Variants in NLRC5 observed in about 807,000 individuals in gnomAD.
NLRC5 encodes protein NLRC5.
In NLRC5, 114 loss-of-function variants were observed where a neutral mutation model predicts 206.9. The ratio of observed to expected loss-of-function variants is 0.55; its 90% CI spans 0.47 to 0.64. NLRC5 has a LOEUF of 0.64. Ranked by LOEUF, NLRC5 falls within the 30% of genes least tolerant of loss-of-function variation. NLRC5 has a pLI of 0.00. For synonymous variants in NLRC5, 952 were observed against 962.8 expected (o/e 0.99, Z 0.21); for missense variants, 2,008 against 2,305.5 (o/e 0.87, Z 2.64).
chr16:57,071,692 T>G, intron 38 of NLRC5, among the ~76,000 whole-genome samples: 2 of 100,302 alleles, frequency 2.0e-5, no homozygotes, highest in Non-Finnish European at 4.0e-5. Context: ...TGGGGAAGGG[T>G]TGTGAGTGAG....
Position 57,023,840 on chromosome 16 carries a change from G to C in NLRC5, c.411G>C (p.Lys137Asn). 1 of 1,611,370 alleles carries C rather than the reference G, an allele frequency of 6.2e-7. No homozygotes were observed. The change falls in exon 5 of 49, where the codon AAG (lysine) becomes AAC (asparagine). Residue 137 changes from lysine (K) to asparagine (N), a missense_variant. Coordinates refer to ENST00000688547, the MANE Select transcript of NLRC5 (RefSeq NM_001384950.1). ...CCTCACCCCGCCGGAAGCAGTGCAA[G>C]AAGCAGCAGCTAGGTGGGTACCAGT... is the stretch of plus-strand genomic sequence containing the variant. ...CGSSPRRKQC[K>N]KQQLELAKKY...
chr16:57,073,363 C>T (rs1597448194), intron 38 of NLRC5, among the ~76,000 whole-genome samples: 1 of 152,168 alleles, frequency 6.6e-6, no homozygotes, highest in African/African-American at 2.4e-5. Context: ...CAGGCAGTTA[C>T]CCTCAAATCC....
chr16:57,041,492 C>G lies in NLRC5; in HGVS notation c.2947C>G (p.His983Asp), dbSNP rs199475989. The G allele has an allele frequency of 6.2e-7, 1 of 1,613,992 alleles. No homozygotes were observed. Among genetic ancestry groups the G allele is most frequent in the Non-Finnish European group, 8.5e-7 (1 of 1,179,936 alleles). Residue 983 changes from histidine to aspartate, a missense_variant, in exon 18 of 49, where the codon CAT (histidine) becomes GAT (aspartate). Physicochemically the swap from His to Asp is moderately conservative, Grantham distance 81. Transcript: ENST00000688547. ...GTTTTTGTCCCTGGGCAGGCTGACA[C>G]ATTGTGGCCTCCAAGAAAAGCACCT... ...PLSSRRMRLT[H>D]CGLQEKHLEQ...
At chr16:57,042,431 G>A (rs1477393006) in intron 19 of NLRC5, among the ~76,000 whole-genome samples, 1 of 152,100 alleles carries the variant, frequency 6.6e-6, no homozygotes, top group African/African-American at 2.4e-5. Context: ...GCTGGGGTAT[G>A]GTCAGGGTAG....
At chr16:57,019,794 C>T (rs2060463004) in intron 2 of NLRC5, among the ~76,000 whole-genome samples, 1 of 152,234 alleles carries the variant, frequency 6.6e-6, no homozygotes. Flanking sequence ...TCTAGATGAC[C>T]AGAGAATATT....
rs755035177 is a variant in NLRC5 at position 57,041,471 on chromosome 16, T to G, written c.2940-14T>G. 6.2e-7 allele frequency: 1 copy of G among 1,612,782 alleles called. No homozygotes were observed. Among genetic ancestry groups the G allele is most frequent in the East Asian group, 2.2e-5 (1 of 44,850 alleles). On this transcript the variant is annotated splice_polypyrimidine_tract_variant and intron_variant, in intron 17 of 48. Transcript: ENST00000688547. ...CAGTGGGGCATGCAGCACTGTGTTTTTGTCCCTGGGCAGGCTGACACATTG... is the reference window on the plus strand; with the variant it reads ...CAGTGGGGCATGCAGCACTGTGTTTGTGTCCCTGGGCAGGCTGACACATTG...
chr16:57,027,592 A>G (rs1276257475), intron 6 of NLRC5, among the ~76,000 whole-genome samples: 3 of 152,212 alleles, frequency 2.0e-5, no homozygotes, highest in Admixed American at 6.5e-5. Context: ...GGTCCAGGTC[A>G]GTGGAATGGC....
chr16:57,006,435 T>TTTTC, intron 1 of NLRC5, among the ~76,000 whole-genome samples: 1 of 130,114 alleles, frequency 7.7e-6, no homozygotes, highest in Non-Finnish European at 1.7e-5. Flanking sequence ...TTTTTTTTTT[T>TTTTC]TGAGACAGGG....
At chr16:57,067,303 A>G in intron 34 of NLRC5, 84 bp from the exon 35 acceptor site, 2 of 1,078,934 alleles carry the variant, frequency 1.9e-6, no homozygotes, top group Non-Finnish European at 2.9e-6. Flanking sequence ...TTACCCCTAC[A>G]CCATAAGCTC....
In NLRC5 at chr16:57,058,078, C is replaced by G; in HGVS notation, c.3760C>G (p.Leu1254Val). ...DLSQVDLSAN[L>V]LGDSGLRCLL... is the part of the protein sequence containing the mutation. Reference sequence around the variant, plus strand: ...TACCCCCTACAGTCTCTCAGCAAACCTGCTGGGCGACAGCGGACTCAGATG... The same window carrying G: ...TACCCCCTACAGTCTCTCAGCAAACGTGCTGGGCGACAGCGGACTCAGATG... The change falls in exon 28 of 49, where the codon CTG becomes GTG. Residue 1254 changes from leucine to valine, a missense_variant. Transcript: ENST00000688547. The G allele has an allele frequency of 6.2e-7, 1 of 1,612,394 alleles. No individual in the cohort carries two copies. Among genetic ancestry groups the G allele is most frequent in the Non-Finnish European group, 8.5e-7 (1 of 1,179,220 alleles).
At position 57,051,622 on chromosome 16, in the gene NLRC5, G is replaced by A. The variant is rs2064913243; in HGVS notation, c.3506+1G>A. 1.2e-6 allele frequency: 2 copies of A among 1,612,468 alleles called. No individual in the cohort carries two copies. Among genetic ancestry groups the A allele is most frequent in the Admixed American group, 1.7e-5 (1 of 59,994 alleles). The stretch of plus-strand genomic sequence containing the variant: ...AACTCCCTCAGCTGAGCCTGCTGCA[G>A]TAAGACGAGAGTTTTTCCTATTTCC... On this transcript the variant is annotated splice_donor_variant, in intron 24 of 48. Transcript: ENST00000688547. LOFTEE classifies it high-confidence loss of function.
At chr16:57,038,201 A>G (rs1440006875) in intron 15 of NLRC5, among the ~76,000 whole-genome samples, 2 of 152,350 alleles carry the variant, frequency 1.3e-5, no homozygotes, top group East Asian at 3.8e-4. Context: ...ATAGAAAAAA[A>G]AATGATAATA....
At chr16:57,009,049 T>C (rs1241834818) in intron 1 of NLRC5, among the ~76,000 whole-genome samples, 1 of 152,144 alleles carries the variant, frequency 6.6e-6, no homozygotes, top group African/African-American at 2.4e-5. Context: ...TCCCAGCACT[T>C]TGGGAGGCCG....
Position 57,034,152 on chromosome 16 carries a change from C to T in NLRC5, c.2544-16C>T, listed in dbSNP as rs748316933. ...CTGTTTGCCCTGAGCCCTTCTGTCC[C>T]CCACTCCTACCCAAGGCTGCAGAAG... On this transcript the variant is annotated splice_polypyrimidine_tract_variant and intron_variant, in intron 12 of 48. Coordinates refer to ENST00000688547, the MANE Select transcript of NLRC5 (RefSeq NM_001384950.1). 2 of 1,611,890 alleles carry T rather than the reference C, an allele frequency of 1.2e-6. No individual in the cohort carries two copies. Among genetic ancestry groups the T allele is most frequent in the East Asian group, 4.5e-5 (2 of 44,836 alleles).
chr16:57,013,502 T>C lies in NLRC5; in HGVS notation c.-127-3572T>C, dbSNP rs575870192. ...GTCATTGAGGTGAGCACAGATTCCA[T>C]TGGCTGCTTGTGCTTTCATCATTAC... On this transcript the variant is annotated intron_variant, in intron 1 of 48. Transcript: ENST00000688547. 32 of 771,842 alleles carry C rather than the reference T, an allele frequency of 4.1e-5. No homozygotes were observed. The African/African-American group carries it at 4.5e-4, about 11-fold the overall frequency. The allele number at this position is 771,842 out of a possible 1,614,324, so 47.8% of individuals were successfully genotyped here. A position where few individuals can be genotyped will look rare whatever the true frequency, so the allele number is the denominator to read the frequency against.
At chr16:57,040,968 T>TG (rs1455709043) in intron 17 of NLRC5, among the ~76,000 whole-genome samples, 2 of 150,036 alleles carry the variant, frequency 1.3e-5, no homozygotes, top group Admixed American at 6.6e-5. Flanking sequence ...CTTAGCTCCC[T>TG]GACCCCCAGC....
intron 1 of NLRC5, among the ~76,000 whole-genome samples, chr16:56,997,454 A>G (rs1390179937): frequency 6.6e-6 from 1 of 152,204 alleles, no homozygotes; most frequent in Admixed American, 6.5e-5. Context: ...CACCCAGATG[A>G]GGAAAACAGT....
At chr16:56,998,549 T>C (rs7198642) in intron 1 of NLRC5, among the ~76,000 whole-genome samples, 1 of 152,098 alleles carries the variant, frequency 6.6e-6, no homozygotes, top group African/African-American at 2.4e-5. Context: ...AGAGAGGCTA[T>C]GTAACTGGCC....
At chr16:57,050,511 G>C (rs1237431920) in intron 23 of NLRC5, among the ~76,000 whole-genome samples, 1 of 152,116 alleles carries the variant, frequency 6.6e-6, no homozygotes, top group Non-Finnish European at 1.5e-5. Context: ...AAGAGAGGAA[G>C]GGGGAGGTGG....
Sources: allele counts gnomAD v4.1 joint callset (sites outside exome capture counted in the v4.1 genomes callset), GRCh38; gene constraint gnomAD v4.1.1; transcripts MANE v1.5; gene names NCBI Gene and HGNC (gene_info 2026-07-23, HGNC 2026-07-21).